The following ARL10 variants were observed in gnomAD, a reference collection of about 807,000 sequenced individuals.
ARL10 encodes the protein ARF like GTPase 10.
A neutral mutation model predicts 26.1 loss-of-function variants in ARL10; 23 were observed. The observed-to-expected ratio is 0.88, with a 90% CI of 0.63 to 1.25. The LOEUF (loss-of-function observed/expected upper bound fraction) is 1.25, where lower values mean the gene tolerates loss of function less well. Among genes scored for constraint, ARL10 ranks in the 50% most tolerant of loss-of-function variants. The pLI is 0.00. For synonymous variants in ARL10, 138 were observed against 149.1 expected (o/e 0.93, Z 0.54); for missense variants, 300 against 323.6 (o/e 0.93, Z 0.56).
chr5:176,395,062 C>G (rs1756455360), intron 1 of ARL10, among the ~76,000 whole-genome samples: 1 of 152,058 alleles, frequency 6.6e-6, no homozygotes, highest in Non-Finnish European at 1.5e-5. Flanking sequence ...CCAAGCCAAC[C>G]ACCTCCCAGC....
downstream of ARL10, chr5:176,388,881 T>C (rs1013948819): frequency 6.2e-7 from 1 of 1,614,154 alleles, no homozygotes; most frequent in Non-Finnish European, 8.5e-7. Context: ...CCTCCAGTCA[T>C]TGAGGGGCTG....
intron 1 of ARL10, among the ~76,000 whole-genome samples, chr5:176,401,110 G>C (rs1403099875): frequency 6.6e-6 from 1 of 152,192 alleles, no homozygotes; most frequent in Non-Finnish European, 1.5e-5. Context: ...GGCCCTTCTG[G>C]GGCCCTTCTC....
Position 176,378,331 on chromosome 5 carries a change from C to G in ARL10, c.*6436C>G, listed in dbSNP as rs1245665903. On this transcript the variant is annotated 3_prime_UTR_variant, in exon 4 of 4. Transcript: ENST00000310389. ...AGGGCAGTCCCTTGATATTCAGGTT[C>G]AGCTTTCCATGTATGGGCTTCAATC... 2.0e-5 allele frequency: 3 copies of G among 152,220 alleles called. No individual in the cohort carries two copies. Among genetic ancestry groups the G allele is most frequent in the Admixed American group, 6.5e-5 (1 of 15,286 alleles). 9.4% of individuals were successfully genotyped at this position (152,220 alleles called of 1,614,324 possible). A position where few individuals can be genotyped will look rare whatever the true frequency, so the allele number is the denominator to read the frequency against.
chr5:176,408,274 C>A, the ARL10 span, among the ~76,000 whole-genome samples: 4 of 151,350 alleles, frequency 2.6e-5, no homozygotes, highest in Non-Finnish European at 5.9e-5. Flanking sequence ...TGGCTCGTGC[C>A]TGTAATCCCA....
At chr5:176,393,032 C>G (rs1581419238), downstream of ARL10, 1 of 1,445,168 alleles carries the variant, frequency 6.9e-7, no homozygotes, top group East Asian at 2.3e-5. This position sits in a 1 kb window ranked among gnomAD's most constrained non-coding sequence, Gnocchi z 4.4. Flanking sequence ...CCAGCCTACT[C>G]TGGGGCACTG....
At chr5:176,407,222 G>C in the ARL10 span, among the ~76,000 whole-genome samples, 2 of 152,102 alleles carry the variant, frequency 1.3e-5, no homozygotes, top group Non-Finnish European at 2.9e-5. Flanking sequence ...TGATTTCCTG[G>C]GTGACTTTGC....
rs767618222 is a variant in ARL10 at position 176,397,626 on chromosome 5, T to C, written c.134-4115T>C. 6.2e-7 allele frequency: 1 copy of C among 1,608,260 alleles called. No homozygotes were observed. The highest frequency in any genetic ancestry group is 8.5e-7 in the Non-Finnish European group (1 of 1,177,282). ...TCTCACCGGTTGTTGATCTTGTTCT[T>C]CTCTACTTGTTCACTCTGGCGCTGG... On this transcript the variant is annotated intron_variant, in intron 1 of 1. Transcript: ENST00000514533.
At chr5:176,397,821 G>A (rs939244249) in intron 1 of ARL10, 116 of 1,480,310 alleles carry the variant, frequency 7.8e-5, no homozygotes, top group African/African-American at 1.5e-4. Flanking sequence ...GGGCCGCACC[G>A]GCCCAGTCCC....
downstream of ARL10, chr5:176,384,436 T>C (rs1400258329): frequency 2.0e-6 from 3 of 1,527,784 alleles, no homozygotes; most frequent in Non-Finnish European, 2.7e-6. Flanking sequence ...TCTGAACTCA[T>C]CCTGAATTAG....
downstream of ARL10, chr5:176,383,838 G>A (rs987697909): frequency 1.4e-6 from 1 of 735,222 alleles, no homozygotes; most frequent in Non-Finnish European, 2.2e-6. Context: ...AGTGAACGTA[G>A]CACTTGCTGA....
downstream of ARL10, chr5:176,389,364 G>GC (rs1756166563): frequency 6.2e-7 from 1 of 1,613,928 alleles, no homozygotes; most frequent in African/African-American, 1.3e-5. Flanking sequence ...CTCACCTACG[G>GC]CCTCTACTCC....
At chr5:176,406,771 T>C (rs950150872), downstream of ARL10, 40 of 1,210,912 alleles carry the variant, frequency 3.3e-5, no homozygotes, top group Non-Finnish European at 4.2e-5. Flanking sequence ...AAGTGTTGGG[T>C]GTGCACAGGC....
chr5:176,402,172 G>A (rs1003006230), downstream of ARL10, among the ~76,000 whole-genome samples: 5 of 152,178 alleles, frequency 3.3e-5, no homozygotes, highest in South Asian at 2.1e-4. Flanking sequence ...TGTGGTGGCG[G>A]ACGCCTGTAA....
At chr5:176,405,709 G>C (rs541081319), downstream of ARL10, 1 of 151,312 alleles carries the variant, frequency 6.6e-6, no homozygotes, top group South Asian at 2.1e-4. Context: ...TGGAGGGCAC[G>C]GGACGAGCGC....
At chr5:176,403,220 T>C (rs936374326), downstream of ARL10, among the ~76,000 whole-genome samples, 2 of 151,986 alleles carry the variant, frequency 1.3e-5, no homozygotes, top group African/African-American at 4.8e-5. Context: ...TGGCTACTTT[T>C]TTTATTTTTA....
In ARL10 at chr5:176,374,974, C is replaced by T. The variant is rs1011582724; in HGVS notation, c.*3079C>T. On this transcript the variant is annotated 3_prime_UTR_variant, in exon 4 of 4. Transcript: ENST00000310389. Reference sequence around the variant, plus strand: ...GTAGAATCAGGAAAGATAAGCACAGCGTTCAGTTTTGTTCAGCACCATACA... The same window carrying T: ...GTAGAATCAGGAAAGATAAGCACAGTGTTCAGTTTTGTTCAGCACCATACA... 4.6e-5 allele frequency: 7 copies of T among 152,216 alleles called. No individual in the cohort carries two copies. Among genetic ancestry groups the T allele is most frequent in the African/African-American group, 1.4e-4 (6 of 41,436 alleles). The allele number at this position is 152,216 out of a possible 1,614,324, so 9.4% of individuals were successfully genotyped here.
downstream of ARL10, among the ~76,000 whole-genome samples, chr5:176,404,602 C>T (rs555238271): frequency 1.1e-4 from 16 of 152,216 alleles, no homozygotes; most frequent in African/African-American, 2.2e-4. Context: ...TCAGCCCCCA[C>T]GGTGTCCTGC....
At chr5:176,386,604 G>C, downstream of ARL10, 1 of 615,228 alleles carries the variant, frequency 1.6e-6, no homozygotes, top group South Asian at 1.6e-5. Flanking sequence ...AGGCACCTGG[G>C]TACATCCTCC....
chr5:176,366,816 C>T (rs998913545), intron 2 of ARL10, among the ~76,000 whole-genome samples: 2 of 152,084 alleles, frequency 1.3e-5, no homozygotes, highest in African/African-American at 2.4e-5. Flanking sequence ...CTACCAAAGT[C>T]GATAGGCCTA....
Sources: allele counts gnomAD v4.1 joint callset (sites outside exome capture counted in the v4.1 genomes callset), GRCh38; gene constraint gnomAD v4.1.1; non-coding constraint Gnocchi (gnomAD v3.1); transcripts MANE v1.5; gene names NCBI Gene and HGNC (gene_info 2026-07-23, HGNC 2026-07-21).